The following NPAS2 variants were observed in gnomAD, a reference collection of about 807,000 sequenced individuals.
NPAS2 encodes neuronal PAS domain protein 2, also known as neuronal PAS domain-containing protein 2.
NPAS2 carries 23 observed loss-of-function variants against 107.5 expected under a neutral mutation model. The observed-to-expected ratio is 0.21, with a 90% CI of 0.15 to 0.30. The LOEUF is 0.30. Ranked by LOEUF, NPAS2 falls within the 10% of genes least tolerant of loss-of-function variation. The pLI is 1.00. For missense variants in NPAS2, 756 were observed against 1,043.3 expected, an observed-to-expected ratio of 0.72 and a Z score of 3.79; for synonymous variants, 403 against 417.5, an observed-to-expected ratio of 0.97 and a Z score of 0.42.
At chr2:100,904,123 A>C (rs1467975409) in intron 1 of NPAS2, among the ~76,000 whole-genome samples, 2 of 152,120 alleles carry the variant, frequency 1.3e-5, no homozygotes, top group Non-Finnish European at 2.9e-5. Context: ...GCCACTTGTC[A>C]GAGGAGCTTG....
At chr2:100,947,761 A>C (rs941486925) in intron 5 of NPAS2, among the ~76,000 whole-genome samples, 2 of 152,234 alleles carry the variant, frequency 1.3e-5, no homozygotes, top group Non-Finnish European at 2.9e-5. Flanking sequence ...ACTCAGAAGA[A>C]AACGTGCAGT....
At chr2:100,862,106 A>G (rs1459070950) in intron 1 of NPAS2, among the ~76,000 whole-genome samples, 3 of 152,220 alleles carry the variant, frequency 2.0e-5, no homozygotes, top group Non-Finnish European at 4.4e-5. Context: ...ATTTATGATG[A>G]GGAAACTATA....
intron 1 of NPAS2, among the ~76,000 whole-genome samples, chr2:100,899,210 A>C (rs1350161279): frequency 1.3e-5 from 2 of 151,780 alleles, no homozygotes; most frequent in African/African-American, 2.4e-5. Context: ...GTTTGTCTGA[A>C]AATTATGGAC....
chr2:100,968,270 T>A lies in NPAS2; in HGVS notation c.908-11T>A. On this transcript the variant is annotated splice_polypyrimidine_tract_variant and intron_variant, in intron 10 of 20. Transcript: ENST00000335681. This position sits in a 1 kb window ranked among gnomAD's most constrained non-coding sequence, Gnocchi z 5.3. Reference sequence around the variant, plus strand: ...CATTGGTTATATGCGGAATCCATTTTCTACCGACAGTGATGCAGTTTGGCA... The same window carrying A: ...CATTGGTTATATGCGGAATCCATTTACTACCGACAGTGATGCAGTTTGGCA... The A allele has an allele frequency of 2.5e-6, 4 of 1,613,676 alleles. No individual in the cohort carries two copies. The highest frequency in any genetic ancestry group is 3.4e-6 in the Non-Finnish European group (4 of 1,179,614).
rs768267815 is a variant in NPAS2, at chr2:100,990,876, C to T, written c.2111+4C>T. ...GCAGGACGGGACGGCAAGTCAAGTA[C>T]GTGGACCCTGGCGGGAGGCAGGAGG... On this transcript the variant is annotated splice_donor_region_variant and intron_variant, in intron 19 of 20. Transcript: ENST00000335681. The T allele has an allele frequency of 1.7e-5, 28 of 1,613,558 alleles. No homozygotes were observed. Among genetic ancestry groups the T allele is most frequent in the South Asian group, 8.8e-5 (8 of 91,068 alleles).
chr2:100,945,443 C>G (rs568903863), intron 5 of NPAS2, among the ~76,000 whole-genome samples: 1 of 152,336 alleles, frequency 6.6e-6, no homozygotes, highest in East Asian at 1.9e-4. Flanking sequence ...CTTCCCCTGT[C>G]TCTCTTGGGA....
intron 1 of NPAS2, among the ~76,000 whole-genome samples, chr2:100,827,965 C>G (rs1347375187): frequency 6.6e-6 from 1 of 152,196 alleles, no homozygotes. Flanking sequence ...ATTAGTAGCT[C>G]TGTTTTAAGT....
intron 7 of NPAS2, among the ~76,000 whole-genome samples, chr2:100,950,197 G>A (rs1371050577): frequency 6.6e-6 from 1 of 152,188 alleles, no homozygotes; most frequent in Non-Finnish European, 1.5e-5. Context: ...GCTCAGCATG[G>A]CCTGCATTTT....
At chr2:100,872,725 C>T (rs985136944) in intron 1 of NPAS2, among the ~76,000 whole-genome samples, 3 of 152,136 alleles carry the variant, frequency 2.0e-5, no homozygotes, top group Admixed American at 6.5e-5. Context: ...CTTCTTACTG[C>T]CTCACTCTAG....
At chr2:100,857,952 TA>T (rs1678687613) in intron 1 of NPAS2, among the ~76,000 whole-genome samples, 1 of 152,210 alleles carries the variant, frequency 6.6e-6, no homozygotes, top group Non-Finnish European at 1.5e-5. Flanking sequence ...TTATCAGCTG[TA>T]GGCAAGTTGG....
At chr2:100,960,093 T>C (rs1359016619) in intron 7 of NPAS2, among the ~76,000 whole-genome samples, 1 of 152,158 alleles carries the variant, frequency 6.6e-6, no homozygotes, top group Admixed American at 6.5e-5. Context: ...GAAGCCAACC[T>C]TGGGTGCTTC....
chr2:100,904,065 C>T (rs1681974624), intron 1 of NPAS2, among the ~76,000 whole-genome samples: 1 of 152,114 alleles, frequency 6.6e-6, no homozygotes, highest in African/African-American at 2.4e-5. Context: ...AGTAAACGCC[C>T]TAAGGGAGGA....
chr2:100,852,169 G>C (rs1678224002), intron 1 of NPAS2, among the ~76,000 whole-genome samples: 1 of 152,066 alleles, frequency 6.6e-6, no homozygotes, highest in South Asian at 2.1e-4. Context: ...GGTCAAGGCG[G>C]GCGGATCACG....
chr2:100,908,105 A>C (rs1409164557), intron 2 of NPAS2, among the ~76,000 whole-genome samples: 1 of 152,072 alleles, frequency 6.6e-6, no homozygotes, highest in African/African-American at 2.4e-5. Flanking sequence ...GCAGGGTTAG[A>C]ATCAGACAGG....
intron 5 of NPAS2, among the ~76,000 whole-genome samples, chr2:100,946,756 G>A (rs1674920912): frequency 6.6e-6 from 1 of 152,208 alleles, no homozygotes; most frequent in African/African-American, 2.4e-5. Flanking sequence ...CCAGGCAAGA[G>A]AGGATGGGGG....
At chr2:100,854,074 T>C (rs548109800) in intron 1 of NPAS2, among the ~76,000 whole-genome samples, 5 of 142,660 alleles carry the variant, frequency 3.5e-5, no homozygotes, top group Non-Finnish European at 7.5e-5. Context: ...CAGTTGAGCC[T>C]GGGAGGTCAA....
intron 1 of NPAS2, among the ~76,000 whole-genome samples, chr2:100,841,077 T>C (rs187842212): frequency 2.9e-4 from 44 of 152,270 alleles, no homozygotes; most frequent in Non-Finnish European, 5.4e-4. Flanking sequence ...GGAGACAACA[T>C]ATGCAAAGCC....
chr2:100,979,221 T>G (rs1392450883), intron 15 of NPAS2, among the ~76,000 whole-genome samples: 1 of 152,014 alleles, frequency 6.6e-6, no homozygotes, highest in Non-Finnish European at 1.5e-5. Context: ...ACTGCCTATA[T>G]TCACCCTCAT....
rs1424955060 is a variant in NPAS2, at chr2:100,854,617, G to A, written c.-23+34203G>A. ...TGCCTGGTCACAAGGCCCTTCTCTT[G>A]GACTCCAGCATTAGCCTGAATTATG... On this transcript the variant is annotated intron_variant, in intron 1 of 20. Transcript: ENST00000335681. 3.9e-5 allele frequency among the ~76,000 whole-genome samples: 6 copies of A among 152,222 alleles called. No individual in the cohort carries two copies. In the East Asian group the frequency reaches 1.2e-3, roughly 29 times the overall value.
Sources: allele counts gnomAD v4.1 joint callset (sites outside exome capture counted in the v4.1 genomes callset), GRCh38; gene constraint gnomAD v4.1.1; non-coding constraint Gnocchi (gnomAD v3.1); transcripts MANE v1.5; gene names NCBI Gene and HGNC (gene_info 2026-07-23, HGNC 2026-07-21).